Variants in FAM83H observed in about 807,000 individuals in gnomAD.
FAM83H encodes the protein scaffolding CK1 anchoring protein H.
Under a neutral mutation model 30.2 loss-of-function variants are expected in FAM83H, and 24 were observed. The observed-to-expected ratio is 0.79, with a 90% CI of 0.57 to 1.12. FAM83H has a LOEUF of 1.12. FAM83H is among the 50% of genes most tolerant of loss of function. FAM83H has a pLI of 0.00. For synonymous variants in FAM83H, 1,013 were observed against 821.7 expected, an observed-to-expected ratio of 1.23 and a Z score of -3.98; for missense variants, 2,038 against 1,773.9, an observed-to-expected ratio of 1.15 and a Z score of -2.67.
intron 4 of FAM83H, 67 bp from the exon 5 acceptor site, chr8:143,728,790 G>C: frequency 6.3e-7 from 1 of 1,597,810 alleles, no homozygotes; most frequent in Admixed American, 1.7e-5. Flanking sequence ...CGTGGGCAGC[G>C]GGTGGGGCGC....
In FAM83H at chr8:143,728,639, G is replaced by C; in HGVS notation, c.822C>G (p.Phe274Leu). 1 of 1,608,286 alleles carries C rather than the reference G, an allele frequency of 6.2e-7. No individual in the cohort carries two copies. Among genetic ancestry groups the C allele is most frequent in the Non-Finnish European group, 8.5e-7 (1 of 1,179,886 alleles). Residue 274 changes from phenylalanine to leucine, a missense_variant, in exon 5 of 5, where the codon TTC (phenylalanine) becomes TTG (leucine). Physicochemically the swap from Phe to Leu is conservative, Grantham distance 22. Coordinates refer to ENST00000388913, the MANE Select transcript of FAM83H (RefSeq NM_198488.5). ...GCTCGGACTGCGCGAAGAGGATGCG[G>C]AACTCCTCGTCGAAGCTGGAGACCA... ...GELVSSFDEE[F>L]RILFAQSEPL... is the part of the protein sequence containing the mutation.
rs1167989988 is a variant in FAM83H, at chr8:143,725,163, G to A, written c.*758C>T. 1 of 82,272 alleles carries A rather than the reference G, an allele frequency of 1.2e-5. No individual in the cohort carries two copies. Among genetic ancestry groups the A allele is most frequent in the Admixed American group, 1.3e-4 (1 of 7,910 alleles). The allele number at this position is 82,272 out of a possible 1,614,324, so 5.1% of individuals were successfully genotyped here. On this transcript the variant is annotated 3_prime_UTR_variant, in exon 5 of 5. Coordinates refer to ENST00000388913, the MANE Select transcript of FAM83H (RefSeq NM_198488.5). The stretch of plus-strand genomic sequence containing the variant: ...GGCGGGGGAGGGGGGAGACGGGGGG[G>A]GGGGGGGGGGAGGGAAGGAGGAGAC...
rs1376158649 is a variant in FAM83H, at chr8:143,725,171, G to A, written c.*750C>T. ...AGGGGGGAGACGGGGGGGGGGGGGG[G>A]GGAGGGAAGGAGGAGACCTTGAGAG... On this transcript the variant is annotated 3_prime_UTR_variant, in exon 5 of 5. Coordinates refer to ENST00000388913, the MANE Select transcript of FAM83H (RefSeq NM_198488.5). 1 of 117,538 alleles carries A rather than the reference G, an allele frequency of 8.5e-6. No homozygotes were observed. The highest frequency in any genetic ancestry group is 1.8e-5 in the Non-Finnish European group (1 of 54,066). 7.3% of individuals were successfully genotyped at this position (117,538 alleles called of 1,614,324 possible). A position where few individuals can be genotyped will look rare whatever the true frequency, so the allele number is the denominator to read the frequency against.
chr8:143,727,160 C>T lies in FAM83H; in HGVS notation c.2301G>A (p.Gln767=). ...VASHSKAVVS[Q]AWREEVAAPG... ...GGGCCGCCACCTCTTCCCGCCACGC[C>T]TGGGACACGACGGCCTTGCTGTGGC... Residue 767 remains glutamine (Q), a synonymous_variant, in exon 5 of 5, where the codon CAG becomes CAA. Transcript: ENST00000388913. 2.6e-6 allele frequency: 4 copies of T among 1,534,618 alleles called. No individual in the cohort carries two copies. Among genetic ancestry groups the T allele is most frequent in the Non-Finnish European group, 3.5e-6 (4 of 1,146,212 alleles).
At position 143,728,118 on chromosome 8, in the gene FAM83H, A is replaced by C. The variant is rs1554623125; in HGVS notation, c.1343T>G (p.Phe448Cys). 6.2e-7 allele frequency: 1 copy of C among 1,610,566 alleles called. No homozygotes were observed. Among genetic ancestry groups the C allele is most frequent in the Admixed American group, 1.7e-5 (1 of 59,940 alleles). ...CTGCTGGTAGAGCTGGTCACGGTGGAAGTGGCTGGTCTGGAAGCGGAAGTC... is the reference window on the plus strand; with the variant it reads ...CTGCTGGTAGAGCTGGTCACGGTGGCAGTGGCTGGTCTGGAAGCGGAAGTC... ...GDDFRFQTSH[F>C]HRDQLYQQQY... The change falls in exon 5 of 5, where the codon TTC becomes TGC. Residue 448 changes from phenylalanine to cysteine, a missense_variant. Physicochemically the swap from Phe to Cys is radical, Grantham distance 205. Transcript: ENST00000388913.
Position 143,726,721 on chromosome 8 carries a change from T to G in FAM83H, c.2740A>C (p.Ser914Arg). 1 of 1,608,838 alleles carries G rather than the reference T, an allele frequency of 6.2e-7. No homozygotes were observed. The highest frequency in any genetic ancestry group is 2.2e-5 in the East Asian group (1 of 44,802). The change falls in exon 5 of 5, where the codon AGT (serine) becomes CGT (arginine). Residue 914 changes from serine (S) to arginine (R), a missense_variant. Coordinates refer to ENST00000388913, the MANE Select transcript of FAM83H (RefSeq NM_198488.5). ...PTSAYPERRG[S>R]PVPPVPERRS... ...CGCTCCGGCACGGGGGGCACCGGAC[T>G]ACCCCTGCGCTCGGGGTAGGCTGAG...
At position 143,727,340 on chromosome 8, in the gene FAM83H, C is replaced by A; in HGVS notation, c.2121G>T (p.Gln707His). 1.3e-6 allele frequency: 2 copies of A among 1,565,216 alleles called. No homozygotes were observed. The highest frequency in any genetic ancestry group is 1.8e-5 in the Admixed American group (1 of 54,980). Residue 707 changes from glutamine (Q) to histidine (H), a missense_variant, in exon 5 of 5, where the codon CAG becomes CAT. Transcript: ENST00000388913. ...AGAAAATEKV[Q>H]LLHKEQTVSE... ...TGACCGTCTGCTCCTTGTGCAGCAG[C>A]TGCACCTTCTCAGTGGCCGCCGCAG...
Position 143,726,898 on chromosome 8 carries a change from C to G in FAM83H, c.2563G>C (p.Glu855Gln), listed in dbSNP as rs782359952. 2 of 1,612,724 alleles carry G rather than the reference C, an allele frequency of 1.2e-6. No individual in the cohort carries two copies. The highest frequency in any genetic ancestry group is 8.5e-7 in the Non-Finnish European group (1 of 1,179,870). Residue 855 changes from glutamate (E) to glutamine (Q), a missense_variant, in exon 5 of 5, where the codon GAA becomes CAA. Transcript: ENST00000388913. ...AGCACCTGGTGCGCTCCGGACCCTT[C>G]CAGCGGCAGAGGGCTGTCCAGCCCT... is the stretch of plus-strand genomic sequence containing the variant. ...PQGLDSPLPL[E>Q]GSGAHQVLHN...
In FAM83H at chr8:143,726,947, G is replaced by A. The variant is rs1017685992; in HGVS notation, c.2514C>T (p.Ala838=). 3.7e-6 allele frequency: 6 copies of A among 1,610,784 alleles called. No homozygotes were observed. The East Asian group carries it at 6.7e-5, about 18-fold the overall frequency. The change falls in exon 5 of 5, where the codon GCC becomes GCT. Residue 838 remains alanine, a synonymous_variant. Coordinates refer to ENST00000388913, the MANE Select transcript of FAM83H (RefSeq NM_198488.5). ...SDRLPSRFLS[A]QSHSTSPQGL... is the part of the protein sequence containing the mutation. ...CTTGCGGGGACGTTGAGTGGCTCTGGGCAGAGAGGAAGCGGGAAGGCAGGC... is the reference window on the plus strand; with the variant it reads ...CTTGCGGGGACGTTGAGTGGCTCTGAGCAGAGAGGAAGCGGGAAGGCAGGC...
chr8:143,731,270 C>T, intron 1 of FAM83H: 3 of 933,462 alleles, frequency 3.2e-6, no homozygotes, highest in East Asian at 1.2e-4. Context: ...CCCATGCTGC[C>T]CATGTGTCCG....
At chr8:143,729,839 C>G (rs927128310) in intron 2 of FAM83H, among the ~76,000 whole-genome samples, 4 of 152,340 alleles carry the variant, frequency 2.6e-5, no homozygotes, top group Non-Finnish European at 1.5e-5. Context: ...CAAGGGCCAC[C>G]GGGCAGGATG....
chr8:143,731,610 A>T, intron 1 of FAM83H: 2 of 985,302 alleles, frequency 2.0e-6, no homozygotes, highest in Non-Finnish European at 2.4e-6. Context: ...CTTTCTTGTC[A>T]CTGTCCCTCT....
In FAM83H at chr8:143,725,015, AC is replaced by A. The variant is rs1818225503; in HGVS notation, c.*905del. 1.8e-5 allele frequency: 2 copies of A among 108,548 alleles called. No homozygotes were observed. The highest frequency in any genetic ancestry group is 2.2e-4 in the Admixed American group (2 of 9,268). The allele number at this position is 108,548 out of a possible 1,614,324, so 6.7% of individuals were successfully genotyped here. A position where few individuals can be genotyped will look rare whatever the true frequency, so the allele number is the denominator to read the frequency against. On this transcript the variant is annotated 3_prime_UTR_variant, in exon 5 of 5. Transcript: ENST00000388913. Reference sequence around the variant, plus strand: ...GGTCCAGCTCCCCCCCCCCTGCCCCACCCACCCCTTGCAAACTGCCCGCAGC... The same window carrying A: ...GGTCCAGCTCCCCCCCCCCTGCCCCACCACCCCTTGCAAACTGCCCGCAGC...
At chr8:143,729,981 G>A (rs1377901118) in intron 2 of FAM83H, among the ~76,000 whole-genome samples, 155 bp downstream of exon 2, 2 of 152,116 alleles carry the variant, frequency 1.3e-5, no homozygotes, top group South Asian at 2.1e-4. Flanking sequence ...CCTGATGACC[G>A]AGACCTGGCA....
intron 1 of FAM83H, 129 bp from the exon 2 acceptor site, chr8:143,730,726 G>A (rs953384107): frequency 2.8e-5 from 19 of 685,884 alleles, no homozygotes; most frequent in Non-Finnish European, 4.5e-5. Flanking sequence ...ATGCCCAGGA[G>A]GCCTTCCAGG....
Position 143,727,336 on chromosome 8 carries a change from G to T in FAM83H, c.2125C>A (p.Leu709Met). ...AAAATEKVQLLHKEQTVSETL... is the reference protein window; with the variant it reads ...AAAATEKVQLMHKEQTVSETL... ...TCGCTGACCGTCTGCTCCTTGTGCA[G>T]CAGCTGCACCTTCTCAGTGGCCGCC... Residue 709 changes from leucine (L) to methionine (M), a missense_variant, in exon 5 of 5, where the codon CTG (leucine) becomes ATG (methionine). By Grantham distance (15) the Leu-to-Met change is conservative (BLOSUM62 2). Transcript: ENST00000388913. 1 of 1,562,634 alleles carries T rather than the reference G, an allele frequency of 6.4e-7. No individual in the cohort carries two copies. Among genetic ancestry groups the T allele is most frequent in the Non-Finnish European group, 8.6e-7 (1 of 1,161,918 alleles).
chr8:143,726,365 G>A lies in FAM83H; in HGVS notation c.3096C>T (p.Tyr1032=), dbSNP rs1554621727. 1.2e-6 allele frequency: 2 copies of A among 1,611,158 alleles called. No homozygotes were observed. The highest frequency in any genetic ancestry group is 1.7e-6 in the Non-Finnish European group (2 of 1,179,568). Reference sequence around the variant, plus strand: ...TCGTGTCATCCCGAAGGTTGCTGCTGTACAAGGCGTTGGCCGTGGCTGAGG... The same window carrying A: ...TCGTGTCATCCCGAAGGTTGCTGCTATACAAGGCGTTGGCCGTGGCTGAGG... ...RLSSATANAL[Y]SSNLRDDTKA... is the part of the protein sequence containing the mutation. Residue 1032 remains tyrosine (Y), a synonymous_variant, in exon 5 of 5, where the codon TAC becomes TAT. Transcript: ENST00000388913.
rs1294876264 is a variant in FAM83H at position 143,727,093 on chromosome 8, G to A, written c.2368C>T (p.Leu790=). Residue 790 remains leucine (L), a synonymous_variant, in exon 5 of 5, where the codon CTG becomes TTG. Transcript: ENST00000388913. ...GGERRSLESC[L]LDLRDSFAQQ... is the part of the protein sequence containing the mutation. The stretch of plus-strand genomic sequence containing the variant: ...GCAAAGGAGTCGCGCAGGTCCAGCA[G>A]GCAGCTCTCGAGGCTGCGGCGCTCG... 7.8e-6 allele frequency: 12 copies of A among 1,540,584 alleles called. No individual in the cohort carries two copies. In the East Asian group the frequency reaches 1.2e-4, roughly 16 times the overall value.
intron 1 of FAM83H, chr8:143,732,425 T>C (rs558795320): frequency 7.1e-6 from 7 of 985,374 alleles, no homozygotes; most frequent in African/African-American, 1.7e-5. Flanking sequence ...AGCCTGTCTG[T>C]AGGGGCGGTG....
Sources: allele counts gnomAD v4.1 joint callset (sites outside exome capture counted in the v4.1 genomes callset), GRCh38; gene constraint gnomAD v4.1.1; transcripts MANE v1.5; gene names NCBI Gene and HGNC (gene_info 2026-07-23, HGNC 2026-07-21).